The following TRIM36 variants were observed in gnomAD, a reference collection of about 807,000 sequenced individuals.
TRIM36 encodes the protein tripartite motif containing 36.
A neutral mutation model predicts 72.4 loss-of-function variants in TRIM36; 42 were observed. The observed-to-expected ratio is 0.58, with a 90% CI of 0.45 to 0.75. TRIM36 has a LOEUF of 0.75. TRIM36 is among the 30% of genes least tolerant of loss of function. TRIM36 has a pLI of 0.00. For missense variants in TRIM36, 913 were observed against 857.1 expected (o/e 1.07, Z -0.81); for synonymous variants, 315 against 282.8 (o/e 1.11, Z -1.14).
chr5:115,147,809 C>T (rs924789736), intron 2 of TRIM36, among the ~76,000 whole-genome samples: 4 of 152,068 alleles, frequency 2.6e-5, no homozygotes, highest in Non-Finnish European at 5.9e-5. Flanking sequence ...GGAAATGAAT[C>T]GATACATAAA....
At chr5:115,171,130 A>G, upstream of TRIM36, 1 of 1,614,186 alleles carries the variant, frequency 6.2e-7, no homozygotes, top group Non-Finnish European at 8.5e-7. Flanking sequence ...TCCCACTTTT[A>G]TTTCCTGTTT....
At chr5:115,178,334 G>GC (rs957380579) in intron 1 of TRIM36, among the ~76,000 whole-genome samples, 2 of 152,070 alleles carry the variant, frequency 1.3e-5, no homozygotes, top group Admixed American at 1.3e-4. Context: ...TTTCCTCCCT[G>GC]CCCCCTAGCC....
At chr5:115,145,669 G>C (rs908885375) in intron 3 of TRIM36, among the ~76,000 whole-genome samples, 1 of 152,162 alleles carries the variant, frequency 6.6e-6, no homozygotes, top group Non-Finnish European at 1.5e-5. Context: ...TGGGATCACA[G>C]GCATGTGCCA....
At chr5:115,168,544 C>T (rs1355083833) in intron 1 of TRIM36, among the ~76,000 whole-genome samples, 1 of 152,236 alleles carries the variant, frequency 6.6e-6, no homozygotes, top group Non-Finnish European at 1.5e-5. Context: ...CCTAAAGTGA[C>T]ACCAAGTGCT....
At chr5:115,128,708 C>A (rs1437131517) in intron 9 of TRIM36, among the ~76,000 whole-genome samples, 1 of 119,210 alleles carries the variant, frequency 8.4e-6, no homozygotes, top group Non-Finnish European at 1.6e-5. Flanking sequence ...GCTGAGATTG[C>A]GCCACTGCAG....
rs1361893573 is a variant in TRIM36, at chr5:115,137,563, A to G, written c.885T>C (p.Phe295=). The change falls in exon 6 of 10, where the codon TTT becomes TTC. Residue 295 remains phenylalanine (F), a synonymous_variant. Coordinates refer to ENST00000513154, the MANE Select transcript of TRIM36 (RefSeq NM_001300759.2). ...ATGATTTCCTCTCTTCCAGAACTTC[A>G]AAGAGCTTTTCAAAATGTGTAATTG... ...EEAITHFEKL[F]EVLEERKSSV... The G allele has an allele frequency of 1.2e-6, 2 of 1,613,678 alleles. No individual in the cohort carries two copies. The highest frequency in any genetic ancestry group is 1.1e-5 in the South Asian group (1 of 90,996).
chr5:115,158,182 A>T (rs957520749), intron 2 of TRIM36, among the ~76,000 whole-genome samples: 1 of 152,216 alleles, frequency 6.6e-6, no homozygotes, highest in Non-Finnish European at 1.5e-5. Context: ...GAAGTAATGT[A>T]GACCAAGAAA....
chr5:115,136,339 A>T (rs1250356117), intron 7 of TRIM36, among the ~76,000 whole-genome samples: 1 of 152,180 alleles, frequency 6.6e-6, no homozygotes, highest in African/African-American at 2.4e-5. Flanking sequence ...AGGAGAAGAT[A>T]GCCATTTATC....
At chr5:115,139,383 AGTG>A (rs1753150686) in intron 5 of TRIM36, among the ~76,000 whole-genome samples, 2 of 152,204 alleles carry the variant, frequency 1.3e-5, no homozygotes, top group Admixed American at 1.3e-4. Context: ...GGCCTCCCAA[AGTG>A]CTGAGATTAC....
intron 7 of TRIM36, among the ~76,000 whole-genome samples, chr5:115,136,264 T>A (rs1357750632): frequency 1.4e-5 from 2 of 144,260 alleles, no homozygotes; most frequent in African/African-American, 5.2e-5. Flanking sequence ...ATATGACTGG[T>A]GTCCTTATAA....
At chr5:115,170,185 T>TG (rs980294562), upstream of TRIM36, among the ~76,000 whole-genome samples, 2 of 141,002 alleles carry the variant, frequency 1.4e-5, no homozygotes, top group Admixed American at 6.9e-5. Flanking sequence ...TATGCCAGGC[T>TG]GGGGGGCTCT....
Position 115,125,171 on chromosome 5 carries a change from T to C in TRIM36, c.*1332A>G, listed in dbSNP as rs1357612144. 1 of 152,152 alleles carries C rather than the reference T, an allele frequency of 6.6e-6. No individual in the cohort carries two copies. Among genetic ancestry groups the C allele is most frequent in the African/African-American group, 2.4e-5 (1 of 41,442 alleles). 9.4% of individuals were successfully genotyped at this position (152,152 alleles called of 1,614,324 possible). On this transcript the variant is annotated 3_prime_UTR_variant, in exon 10 of 10. Transcript: ENST00000513154. ...AAAAAACAGGCCTAAAAGTTTTGGT[T>C]ACCCTGTTAAAACATGTCAAAAGCA...
At chr5:115,157,672 C>T (rs924469081) in intron 2 of TRIM36, among the ~76,000 whole-genome samples, 7 of 152,122 alleles carry the variant, frequency 4.6e-5, no homozygotes. Context: ...TACTTGCACA[C>T]ATATGTTTAT....
intron 2 of TRIM36, among the ~76,000 whole-genome samples, chr5:115,151,202 G>C (rs1455291773): frequency 3.3e-5 from 5 of 152,316 alleles, no homozygotes; most frequent in Middle Eastern, 3.4e-3. Context: ...TACAGTGGAA[G>C]TGGGACTGGC....
intron 3 of TRIM36, among the ~76,000 whole-genome samples, chr5:115,145,750 C>T (rs1001045993): frequency 6.6e-6 from 1 of 152,160 alleles, no homozygotes; most frequent in African/African-American, 2.4e-5. Flanking sequence ...ACAGAAAGTC[C>T]TAATACCAAT....
At chr5:115,145,641 C>G (rs918344857) in intron 3 of TRIM36, among the ~76,000 whole-genome samples, 4 of 152,190 alleles carry the variant, frequency 2.6e-5, no homozygotes. Context: ...ATTTTCCTGC[C>G]TCAGCCTCCC....
intron 2 of TRIM36, among the ~76,000 whole-genome samples, chr5:115,161,755 T>C (rs980718845): frequency 6.6e-6 from 1 of 152,208 alleles, no homozygotes; most frequent in East Asian, 1.9e-4. Context: ...AGTTGGCTGC[T>C]GTCACTTTGG....
chr5:115,134,189 C>T (rs1752841290), intron 7 of TRIM36, 42 bp from the exon 8 acceptor site: 1 of 1,488,546 alleles, frequency 6.7e-7, no homozygotes, highest in African/African-American at 1.4e-5. Flanking sequence ...AAAATATTGA[C>T]ATTTGAAAAC....
rs750586984 is a variant in TRIM36, at chr5:115,137,339, A to C, written c.1085+24T>G. The C allele has an allele frequency of 3.8e-5, 61 of 1,588,830 alleles. No homozygotes were observed. In the East Asian group the frequency reaches 6.5e-4, roughly 17 times the overall value. On this transcript the variant is annotated intron_variant, in intron 6 of 9. Coordinates refer to ENST00000513154, the MANE Select transcript of TRIM36 (RefSeq NM_001300759.2). ...TTAATAACATTGCTCAATAGGTTCTAAAGTTAGAAGTAAAAGAGAATACCT... is the reference window on the plus strand; with the variant it reads ...TTAATAACATTGCTCAATAGGTTCTCAAGTTAGAAGTAAAAGAGAATACCT...
Sources: allele counts gnomAD v4.1 joint callset (sites outside exome capture counted in the v4.1 genomes callset), GRCh38; gene constraint gnomAD v4.1.1; transcripts MANE v1.5; gene names NCBI Gene and HGNC (gene_info 2026-07-23, HGNC 2026-07-21).